WSB1: variants seen among roughly 807,000 people sequenced by gnomAD.
The protein encoded by WSB1 is WD repeat and SOCS box-containing protein 1.
WSB1 carries 23 observed loss-of-function variants against 50.2 expected under a neutral mutation model. That is an observed-to-expected ratio of 0.46 (90% confidence interval 0.33 to 0.65). The LOEUF is 0.65. WSB1 is among the 30% of genes least tolerant of loss of function. The pLI is 0.02. For missense variants in WSB1, 492 were observed against 522.3 expected, an observed-to-expected ratio of 0.94 and a Z score of 0.56; for synonymous variants, 179 against 172.0, an observed-to-expected ratio of 1.04 and a Z score of -0.32.
In WSB1 at chr17:27,312,754, C is replaced by CT. The variant is rs1166292081; in HGVS notation, c.*386dup. ...CAAGGAAATTTTAAATTCTGGGACACTGAGTTAGATGGTAAATACTGACTT... is the reference window on the plus strand; with the variant it reads ...CAAGGAAATTTTAAATTCTGGGACACTTGAGTTAGATGGTAAATACTGACTT... On this transcript the variant is annotated 3_prime_UTR_variant, in exon 9 of 9. Coordinates refer to ENST00000262394, the MANE Select transcript of WSB1 (RefSeq NM_015626.10). 6.2e-6 allele frequency: 1 copy of CT among 162,356 alleles called. No individual in the cohort carries two copies. Among genetic ancestry groups the CT allele is most frequent in the Non-Finnish European group, 1.3e-5 (1 of 74,800 alleles). 10.1% of individuals were successfully genotyped at this position (162,356 alleles called of 1,614,324 possible).
intron 1 of WSB1, among the ~76,000 whole-genome samples, chr17:27,299,734 T>C (rs533232852): frequency 6.6e-6 from 1 of 152,298 alleles, no homozygotes; most frequent in East Asian, 1.9e-4. Flanking sequence ...ATCTAAGGTA[T>C]GATTGAAAGG....
chr17:27,315,404 G>C lies in WSB1; in HGVS notation c.*3035G>C, dbSNP rs902590389. The stretch of plus-strand genomic sequence containing the variant: ...CTTTAAAACCTATAACTTGATCTTA[G>C]GTTGGCAAATCTTAAACTTAACGAT... On this transcript the variant is annotated 3_prime_UTR_variant, in exon 9 of 9. Coordinates refer to ENST00000262394, the MANE Select transcript of WSB1 (RefSeq NM_015626.10). The C allele has an allele frequency of 2.6e-5, 4 of 152,198 alleles. No individual in the cohort carries two copies. Among genetic ancestry groups the C allele is most frequent in the African/African-American group, 9.7e-5 (4 of 41,436 alleles). The allele number at this position is 152,198 out of a possible 1,614,324, so 9.4% of individuals were successfully genotyped here.
intron 7 of WSB1, among the ~76,000 whole-genome samples, chr17:27,310,719 G>GT (rs66664508): frequency 6.6e-6 from 1 of 151,984 alleles, no homozygotes; most frequent in Non-Finnish European, 1.5e-5. Context: ...ATGGAGAGAG[G>GT]TTTTTTTTGT....
intron 1 of WSB1, among the ~76,000 whole-genome samples, chr17:27,295,785 T>G (rs1315428747): frequency 6.6e-6 from 1 of 152,150 alleles, no homozygotes; most frequent in Non-Finnish European, 1.5e-5. Context: ...AAATCTGTAT[T>G]TTACTTCATC....
At position 27,306,888 on chromosome 17, in the gene WSB1, T is replaced by G; in HGVS notation, c.711+6T>G. On this transcript the variant is annotated splice_donor_region_variant and intron_variant, in intron 5 of 8. Coordinates refer to ENST00000262394, the MANE Select transcript of WSB1 (RefSeq NM_015626.10). ...CAGTCGGAGCCAGTAAAGCAGTACG[T>G]GTCAAAGTTCTTGTACATTCATTAT... The G allele has an allele frequency of 6.2e-7, 1 of 1,613,724 alleles. No individual in the cohort carries two copies. Among genetic ancestry groups the G allele is most frequent in the African/African-American group, 1.3e-5 (1 of 75,044 alleles).
intron 7 of WSB1, among the ~76,000 whole-genome samples, 154 bp downstream of exon 7, chr17:27,310,328 T>C (rs1287758324): frequency 1.3e-5 from 2 of 152,250 alleles, no homozygotes; most frequent in African/African-American, 4.8e-5. Context: ...GCCTGAACAA[T>C]TATCTGTGTA....
At chr17:27,307,316 CA>C (rs2017502138) in intron 5 of WSB1, 1 of 209,316 alleles carries the variant, frequency 4.8e-6, no homozygotes, top group Non-Finnish European at 9.6e-6. Context: ...ATAAAAATAG[CA>C]CTCATGTATG....
Position 27,313,732 on chromosome 17 carries a change from G to C in WSB1, c.*1363G>C, listed in dbSNP as rs1463163983. The C allele has an allele frequency of 6.6e-6, 1 of 152,142 alleles. No individual in the cohort carries two copies. Among genetic ancestry groups the C allele is most frequent in the East Asian group, 1.9e-4 (1 of 5,192 alleles). 9.4% of individuals were successfully genotyped at this position (152,142 alleles called of 1,614,324 possible). Reference sequence around the variant, plus strand: ...CACCACAGGCAAATTAAGCAAAAAGGACAATGAAGAAAGAATGCAGGACTC... The same window carrying C: ...CACCACAGGCAAATTAAGCAAAAAGCACAATGAAGAAAGAATGCAGGACTC... On this transcript the variant is annotated 3_prime_UTR_variant, in exon 9 of 9. Coordinates refer to ENST00000262394, the MANE Select transcript of WSB1 (RefSeq NM_015626.10).
rs11550667 is a variant in WSB1, at chr17:27,294,256, C to A, written c.-140C>A. 8.4e-7 allele frequency: 1 copy of A among 1,190,886 alleles called. No individual in the cohort carries two copies. The highest frequency in any genetic ancestry group is 1.2e-6 in the Non-Finnish European group (1 of 849,894). The allele number at this position is 1,190,886 out of a possible 1,614,324, so 73.8% of individuals were successfully genotyped here. A position where few individuals can be genotyped will look rare whatever the true frequency, so the allele number is the denominator to read the frequency against. Reference sequence around the variant, plus strand: ...CTTTCCCGAGGCAGTTAGCAGAAGCCGCAGCGGCCGCCCCCGCCCGTCTCC... The same window carrying A: ...CTTTCCCGAGGCAGTTAGCAGAAGCAGCAGCGGCCGCCCCCGCCCGTCTCC... On this transcript the variant is annotated 5_prime_UTR_variant, in exon 1 of 9. Transcript: ENST00000262394.
intron 2 of WSB1, chr17:27,302,725 C>G (rs751528949): frequency 2.0e-5 from 3 of 152,168 alleles, no homozygotes; most frequent in Non-Finnish European, 4.4e-5. Context: ...GAGCCTGGCC[C>G]TTTGTTGTTG....
intron 1 of WSB1, chr17:27,297,062 T>A (rs2017008530): frequency 6.6e-6 from 1 of 152,232 alleles, no homozygotes; most frequent in Non-Finnish European, 1.5e-5. Context: ...CTCTATTTCT[T>A]GAGTTTGTAT....
At chr17:27,307,633 C>CA in intron 5 of WSB1, 1 of 1,099,012 alleles carries the variant, frequency 9.1e-7, no homozygotes, top group Non-Finnish European at 1.3e-6. Flanking sequence ...AAGTTTAAAG[C>CA]AAGATACTCA....
Position 27,313,132 on chromosome 17 carries a change from G to T in WSB1, c.*763G>T, listed in dbSNP as rs1361300595. ...GATCTGGAAGTGAAACACAGTTTATGTACAGGGAAAAGGATTTTATTATCC... is the reference window on the plus strand; with the variant it reads ...GATCTGGAAGTGAAACACAGTTTATTTACAGGGAAAAGGATTTTATTATCC... On this transcript the variant is annotated 3_prime_UTR_variant, in exon 9 of 9. Transcript: ENST00000262394. 1 of 152,410 alleles carries T rather than the reference G, an allele frequency of 6.6e-6. No homozygotes were observed. The highest frequency in any genetic ancestry group is 1.5e-5 in the Non-Finnish European group (1 of 68,008). The allele number at this position is 152,410 out of a possible 1,614,324, so 9.4% of individuals were successfully genotyped here.
chr17:27,307,024 T>C lies in WSB1; in HGVS notation c.711+142T>C, dbSNP rs530830305. 1.3e-4 allele frequency: 101 copies of C among 766,548 alleles called. No homozygotes were observed. In the South Asian group the frequency reaches 1.9e-3, roughly 15 times the overall value. The allele number at this position is 766,548 out of a possible 1,614,324, so 47.5% of individuals were successfully genotyped here. On this transcript the variant is annotated intron_variant, in intron 5 of 8. Coordinates refer to ENST00000262394, the MANE Select transcript of WSB1 (RefSeq NM_015626.10). The stretch of plus-strand genomic sequence containing the variant: ...TGTTTTATTTCATGATGGGGGAGAA[T>C]TTGCATGAAGGAAATTAAATATAGT...
intron 1 of WSB1, among the ~76,000 whole-genome samples, chr17:27,298,268 A>G (rs1263841600): frequency 1.3e-5 from 2 of 152,144 alleles, no homozygotes; most frequent in Non-Finnish European, 2.9e-5. Context: ...TACAAGTTAC[A>G]TAAATATTCT....
At chr17:27,299,239 T>G (rs1264631632) in intron 1 of WSB1, among the ~76,000 whole-genome samples, 1 of 152,148 alleles carries the variant, frequency 6.6e-6, no homozygotes, top group Non-Finnish European at 1.5e-5. Flanking sequence ...AAGAAAGTTA[T>G]GTGGCTCACA....
chr17:27,309,873 G>T (rs1488661591), intron 6 of WSB1, among the ~76,000 whole-genome samples, 188 bp from the exon 7 acceptor site: 4 of 152,126 alleles, frequency 2.6e-5, no homozygotes, highest in Non-Finnish European at 4.4e-5. Flanking sequence ...GAGCCACTGC[G>T]CCCGACCATA....
chr17:27,305,764 T>C (rs1251331047), intron 4 of WSB1, among the ~76,000 whole-genome samples: 1 of 152,250 alleles, frequency 6.6e-6, no homozygotes, highest in Non-Finnish European at 1.5e-5. Context: ...TCTCTGTGTT[T>C]TATCTGCTCA....
chr17:27,303,941 G>A (rs1265130744), intron 3 of WSB1, among the ~76,000 whole-genome samples: 3 of 152,134 alleles, frequency 2.0e-5, no homozygotes, highest in African/African-American at 4.8e-5. Context: ...CACATGTCAA[G>A]GTGTTTTCTT....
Sources: allele counts gnomAD v4.1 joint callset (sites outside exome capture counted in the v4.1 genomes callset), GRCh38; gene constraint gnomAD v4.1.1; transcripts MANE v1.5; gene names NCBI Gene and HGNC (gene_info 2026-07-23, HGNC 2026-07-21).